Variants in CSMD1 observed in about 807,000 individuals in gnomAD.
CSMD1 encodes the protein CUB and sushi domain-containing protein 1.
In CSMD1, 213 loss-of-function variants were observed where a neutral mutation model predicts 417.5. The ratio of observed to expected loss-of-function variants is 0.51; its 90% confidence interval spans 0.46 to 0.57. The LOEUF (loss-of-function observed/expected upper bound fraction) is 0.57, where lower values mean the gene tolerates loss of function less well. CSMD1 is among the 20% of genes least tolerant of loss of function. CSMD1 has a pLI of 0.00. For missense variants in CSMD1, 6,923 were observed against 4,529.7 expected (o/e 1.53, Z -15.17); for synonymous variants, 2,862 against 1,736.8 (o/e 1.65, Z -16.11).
intron 26 of CSMD1, among the ~76,000 whole-genome samples, chr8:3,231,802 C>T (rs1052919194): frequency 2.0e-5 from 3 of 152,162 alleles, no homozygotes; most frequent in Non-Finnish European, 4.4e-5. Context: ...CTAATTAGTA[C>T]TTAATGATCA....
chr8:4,740,483 A>C (rs1399003385), intron 1 of CSMD1, among the ~76,000 whole-genome samples: 1 of 152,174 alleles, frequency 6.6e-6, no homozygotes, highest in Admixed American at 6.5e-5. Context: ...TGTTTAGAGG[A>C]AAGTGCAATG....
At chr8:3,624,882 G>T (rs1286634513) in intron 7 of CSMD1, among the ~76,000 whole-genome samples, 1 of 152,100 alleles carries the variant, frequency 6.6e-6, no homozygotes, top group Non-Finnish European at 1.5e-5. Context: ...TCTTTGATTT[G>T]CAGGAGGTTT....
chr8:3,469,123 C>G (rs1375876406), intron 11 of CSMD1: 2 of 251,422 alleles, frequency 8.0e-6, no homozygotes. Flanking sequence ...TCCCCAGGTG[C>G]AGGAATTACA....
intron 3 of CSMD1, among the ~76,000 whole-genome samples, chr8:4,386,099 C>G (rs563359189): frequency 6.6e-6 from 1 of 152,270 alleles, no homozygotes; most frequent in East Asian, 1.9e-4. Flanking sequence ...TCGCTGTACC[C>G]AGAATCTTGA....
At chr8:4,696,174 A>C (rs1807117909) in intron 1 of CSMD1, among the ~76,000 whole-genome samples, 1 of 152,252 alleles carries the variant, frequency 6.6e-6, no homozygotes, top group South Asian at 2.1e-4. Context: ...AAATGTTTTA[A>C]AGCCAGTGCA....
intron 37 of CSMD1, among the ~76,000 whole-genome samples, chr8:3,170,908 A>C (rs1044238054): frequency 6.6e-6 from 1 of 152,218 alleles, no homozygotes; most frequent in African/African-American, 2.4e-5. Flanking sequence ...TTGGGTGATG[A>C]ACTAGTTGCC....
intron 3 of CSMD1, among the ~76,000 whole-genome samples, chr8:4,042,152 A>G (rs1338657594): frequency 2.0e-5 from 3 of 152,326 alleles, no homozygotes; most frequent in East Asian, 1.9e-4. Context: ...AAAATTTACT[A>G]AAACAGTGAA....
At chr8:4,898,760 G>T (rs1307592631) in intron 1 of CSMD1, among the ~76,000 whole-genome samples, 6 of 152,146 alleles carry the variant, frequency 3.9e-5, no homozygotes, top group South Asian at 2.1e-4. Context: ...TTAGTTCATC[G>T]TTGGAAGCGG....
At chr8:4,614,171 T>G (rs1366240678) in intron 2 of CSMD1, among the ~76,000 whole-genome samples, 1 of 152,260 alleles carries the variant, frequency 6.6e-6, no homozygotes, top group South Asian at 2.1e-4. Context: ...TAGTTATGCA[T>G]GAAAGACATT....
chr8:4,256,700 C>T (rs995750619), intron 3 of CSMD1, among the ~76,000 whole-genome samples: 14 of 150,148 alleles, frequency 9.3e-5, no homozygotes, highest in East Asian at 2.0e-4. Context: ...ATGGGCCGGG[C>T]GTGGTGTGGG....
At chr8:4,179,093 G>A (rs1798212611) in intron 3 of CSMD1, among the ~76,000 whole-genome samples, 1 of 151,948 alleles carries the variant, frequency 6.6e-6, no homozygotes, top group Non-Finnish European at 1.5e-5. Context: ...AGTTCATATG[G>A]AAACAAAAAA....
intron 1 of CSMD1, among the ~76,000 whole-genome samples, chr8:4,887,903 T>A (rs777018366): frequency 5.8e-4 from 88 of 152,154 alleles, no homozygotes; most frequent in Non-Finnish European, 1.1e-3. Context: ...TTCTTTTACT[T>A]GAACATACAC....
intron 4 of CSMD1, among the ~76,000 whole-genome samples, chr8:4,007,280 C>A (rs1160076317): frequency 2.0e-5 from 3 of 152,208 alleles, no homozygotes. Context: ...CCCTGAAAGG[C>A]ATTATGTGAG....
intron 1 of CSMD1, among the ~76,000 whole-genome samples, chr8:4,728,299 G>T (rs1379999101): frequency 6.6e-6 from 1 of 151,110 alleles, no homozygotes; most frequent in South Asian, 2.1e-4. Context: ...TTAATATTAG[G>T]TGTTTATATA....
chr8:4,066,388 T>G (rs559832736), intron 3 of CSMD1, among the ~76,000 whole-genome samples: 1 of 152,242 alleles, frequency 6.6e-6, no homozygotes, highest in East Asian at 2.0e-4. Flanking sequence ...GCAGGGATGT[T>G]TGGCATGTCC....
chr8:4,786,737 T>C (rs1406155465), intron 1 of CSMD1, among the ~76,000 whole-genome samples: 2 of 152,092 alleles, frequency 1.3e-5, no homozygotes, highest in Non-Finnish European at 2.9e-5. Context: ...CCATTATCTT[T>C]ATTTTTTTTT....
chr8:4,452,898 G>A (rs79691720), intron 2 of CSMD1, among the ~76,000 whole-genome samples: 17,195 of 152,072 alleles, frequency 0.11, 1,168 homozygotes, highest in South Asian at 0.21. Context: ...CAGTAGAGAA[G>A]CAACGATGGG....
intron 54 of CSMD1, among the ~76,000 whole-genome samples, chr8:2,991,641 A>AAAC (rs1806396699): frequency 6.6e-6 from 1 of 152,254 alleles, no homozygotes; most frequent in East Asian, 1.9e-4. Context: ...TTGATTAATG[A>AAAC]AACATACCCT....
At position 3,952,331 on chromosome 8, in the gene CSMD1, A is replaced by C. The variant is rs1000202152; in HGVS notation, c.818+45572T>G. On this transcript the variant is annotated intron_variant, in intron 5 of 69. Coordinates refer to ENST00000635120, the MANE Select transcript of CSMD1 (RefSeq NM_033225.6). ...GGCTATAAATTGCATGCAGAAGCCA[A>C]TAGAATAATTCAACCATCTTCTGTT... Among the ~76,000 whole-genome samples the C allele has an allele frequency of 3.3e-5, 5 of 152,352 alleles. No individual in the cohort carries two copies. The South Asian group carries it at 8.3e-4, about 25-fold the overall frequency.
Sources: gnomAD v4.1 joint callset for allele counts (sites outside exome capture counted in the v4.1 genomes callset) on GRCh38, gnomAD v4.1.1 for gene constraint, MANE v1.5 for transcripts, NCBI Gene and HGNC (gene_info 2026-07-23, HGNC 2026-07-21) for gene names.